The following FAM149B1 variants were observed in gnomAD, a reference collection of about 807,000 sequenced individuals.
FAM149B1 encodes family with sequence similarity 149 member B1.
A neutral mutation model predicts 75.3 loss-of-function variants in FAM149B1; 56 were observed. That is an observed-to-expected ratio of 0.74 (90% CI 0.60 to 0.93). FAM149B1 has a LOEUF of 0.93. Among genes scored for constraint, FAM149B1 ranks in the 40% least tolerant of loss-of-function variants. FAM149B1 has a pLI of 0.00. For missense variants in FAM149B1, 639 were observed against 708.4 expected (o/e 0.90, Z 1.11); for synonymous variants, 259 against 256.1 (o/e 1.01, Z -0.11).
intron 13 of FAM149B1, among the ~76,000 whole-genome samples, 194 bp downstream of exon 13, chr10:73,239,578 C>T (rs941893527): frequency 6.6e-6 from 1 of 151,606 alleles, no homozygotes; most frequent in Non-Finnish European, 1.5e-5. Context: ...TTCTATTGCT[C>T]AGAGCCAAAA....
chr10:73,234,593 T>G, intron 10 of FAM149B1: 1 of 503,716 alleles, frequency 2.0e-6, no homozygotes, highest in South Asian at 2.4e-5. Flanking sequence ...GGCCAGCTTC[T>G]GTTGTGTACC....
chr10:73,221,118 T>G (rs2043403882), intron 7 of FAM149B1, among the ~76,000 whole-genome samples: 1 of 152,168 alleles, frequency 6.6e-6, no homozygotes, highest in Non-Finnish European at 1.5e-5. Flanking sequence ...GGGGGATGGA[T>G]GAAGAGGGAA....
chr10:73,229,631 A>G (rs1248210602), intron 8 of FAM149B1, among the ~76,000 whole-genome samples: 2 of 152,206 alleles, frequency 1.3e-5, no homozygotes, highest in Non-Finnish European at 2.9e-5. Context: ...GGGATGAACC[A>G]GGTAAATTAA....
At chr10:73,213,897 A>C (rs12261028) in intron 7 of FAM149B1, among the ~76,000 whole-genome samples, 15,621 of 152,168 alleles carry the variant, frequency 0.1, 1,172 homozygotes, top group East Asian at 0.31. Context: ...TGGAATCTGT[A>C]GACTGATTGA....
chr10:73,210,873 T>C (rs1216942688), intron 7 of FAM149B1, among the ~76,000 whole-genome samples: 4 of 151,840 alleles, frequency 2.6e-5, no homozygotes, highest in African/African-American at 9.7e-5. Flanking sequence ...AAAACCCAAA[T>C]GTTTTTCCCT....
chr10:73,232,065 C>T (rs1017539185), intron 9 of FAM149B1, among the ~76,000 whole-genome samples: 9 of 152,224 alleles, frequency 5.9e-5, no homozygotes, highest in East Asian at 1.9e-4. Flanking sequence ...CTAGAGGACA[C>T]CAAAGTGGCC....
rs1325240399 is a variant in FAM149B1 at position 73,210,439 on chromosome 10, G to C, written c.898+1G>C. 1 of 1,527,698 alleles carries C rather than the reference G, an allele frequency of 6.5e-7. No individual in the cohort carries two copies. The highest frequency in any genetic ancestry group is 1.2e-5 in the South Asian group (1 of 81,218). 94.6% of individuals were successfully genotyped at this position (1,527,698 alleles called of 1,614,324 possible). ...AGTCACTGGGAAGGATTTGCCTCTGGTAAGGATCTTTGTGAAAATAATGTA... is the reference window on the plus strand; with the variant it reads ...AGTCACTGGGAAGGATTTGCCTCTGCTAAGGATCTTTGTGAAAATAATGTA... On this transcript the variant is annotated splice_donor_variant, in intron 7 of 13. Transcript: ENST00000242505. LOFTEE classifies it high-confidence loss of function.
chr10:73,227,424 T>C (rs1193073514), intron 7 of FAM149B1, among the ~76,000 whole-genome samples: 3 of 152,140 alleles, frequency 2.0e-5, no homozygotes, highest in African/African-American at 4.8e-5. Flanking sequence ...TTAGTCATAT[T>C]TTCTATTTCT....
chr10:73,185,440 T>C (rs2042496353), intron 3 of FAM149B1, among the ~76,000 whole-genome samples: 1 of 152,022 alleles, frequency 6.6e-6, no homozygotes, highest in African/African-American at 2.4e-5. Context: ...TCCCAGGTAC[T>C]TGGGAGGCTG....
At chr10:73,217,486 A>C (rs533121732) in intron 7 of FAM149B1, among the ~76,000 whole-genome samples, 1 of 152,306 alleles carries the variant, frequency 6.6e-6, no homozygotes, top group East Asian at 1.9e-4. Flanking sequence ...TTAGGGTTTC[A>C]CCTGGCTGCG....
At chr10:73,197,775 A>G (rs1159276488) in intron 5 of FAM149B1, among the ~76,000 whole-genome samples, 1 of 152,130 alleles carries the variant, frequency 6.6e-6, no homozygotes, top group Non-Finnish European at 1.5e-5. Flanking sequence ...TCAAAAAAAA[A>G]AAGAAATTCC....
At chr10:73,182,688 G>A (rs914696396) in intron 3 of FAM149B1, among the ~76,000 whole-genome samples, 4 of 152,208 alleles carry the variant, frequency 2.6e-5, no homozygotes, top group Non-Finnish European at 5.9e-5. Context: ...AGCATCAGCT[G>A]CCAGACATGT....
chr10:73,174,690 A>G lies in FAM149B1; in HGVS notation c.51A>G (p.Lys17=), dbSNP rs1017476453. 2.6e-6 allele frequency: 4 copies of G among 1,545,630 alleles called. No homozygotes were observed. The highest frequency in any genetic ancestry group is 3.5e-6 in the Non-Finnish European group (4 of 1,142,608). ...AACTTTGTTTTGTCTTTCACAGGAAAGGAATAACAAAACATGCTCTTAACC... is the reference window on the plus strand; with the variant it reads ...AACTTTGTTTTGTCTTTCACAGGAAGGGAATAACAAAACATGCTCTTAACC... ...RKAVPQSLEL[K]GITKHALNHH... is the part of the protein sequence containing the mutation. Residue 17 remains lysine, a synonymous_variant, in exon 2 of 14, where the codon AAA becomes AAG. Transcript: ENST00000242505.
At chr10:73,186,977 A>G (rs1184242016) in intron 3 of FAM149B1, among the ~76,000 whole-genome samples, 1 of 152,226 alleles carries the variant, frequency 6.6e-6, no homozygotes, top group Non-Finnish European at 1.5e-5. Flanking sequence ...ACAACTGCGA[A>G]TATACTAAAA....
intron 6 of FAM149B1, among the ~76,000 whole-genome samples, chr10:73,209,069 CA>C (rs1042327423): frequency 2.6e-5 from 4 of 152,100 alleles, no homozygotes; most frequent in Admixed American, 1.3e-4. Flanking sequence ...TACCCTTTTG[CA>C]AATTACCACC....
chr10:73,190,543 G>A (rs2042657924), intron 3 of FAM149B1, among the ~76,000 whole-genome samples: 1 of 151,880 alleles, frequency 6.6e-6, no homozygotes, highest in Non-Finnish European at 1.5e-5. Context: ...TTTTTATTGG[G>A]TAGGGGTTGA....
intron 8 of FAM149B1, among the ~76,000 whole-genome samples, chr10:73,228,697 A>T (rs1033867678): frequency 3.9e-5 from 6 of 152,154 alleles, no homozygotes; most frequent in Admixed American, 3.3e-4. Flanking sequence ...TCCCAGGTTC[A>T]ACCAGTTCTT....
At chr10:73,171,849 C>T (rs978061888) in intron 1 of FAM149B1, among the ~76,000 whole-genome samples, 3 of 152,010 alleles carry the variant, frequency 2.0e-5, no homozygotes, top group African/African-American at 7.2e-5. Flanking sequence ...AGGATGGTCT[C>T]GATCTCCTGA....
At chr10:73,239,625 TA>T (rs2043897862) in intron 13 of FAM149B1, among the ~76,000 whole-genome samples, 1 of 151,830 alleles carries the variant, frequency 6.6e-6, no homozygotes, top group Non-Finnish European at 1.5e-5. Context: ...CCATGTAAAT[TA>T]ACTTCTCACT....
Sources: gnomAD v4.1 joint callset for allele counts (sites outside exome capture counted in the v4.1 genomes callset) on GRCh38, gnomAD v4.1.1 for gene constraint, MANE v1.5 for transcripts, NCBI Gene and HGNC (gene_info 2026-07-23, HGNC 2026-07-21) for gene names.